Variants in CSGALNACT1 observed in about 807,000 individuals in gnomAD.
The protein encoded by CSGALNACT1 is beta4GalNAcT-1.
Under a neutral mutation model 51.0 loss-of-function variants are expected in CSGALNACT1, and 52 were observed. That is an observed-to-expected ratio of 1.02 (90% confidence interval 0.82 to 1.29). The LOEUF (loss-of-function observed/expected upper bound fraction) is 1.29, where lower values mean the gene tolerates loss of function less well. Among genes scored for constraint, CSGALNACT1 ranks in the 50% most tolerant of loss-of-function variants. CSGALNACT1 has a pLI of 0.00. For missense variants in CSGALNACT1, 935 were observed against 679.2 expected, an observed-to-expected ratio of 1.38 and a Z score of -4.19; for synonymous variants, 341 against 254.4, an observed-to-expected ratio of 1.34 and a Z score of -3.24.
At position 19,658,062 on chromosome 8, in the gene CSGALNACT1, CA is replaced by C. The variant is rs397973082; in HGVS notation, c.-544+24410del. ...TATGTGTGCCCTCTCACCCTCCTTC[CA>C]AAAAAAAAAAAAAAAAAAAAAGTCC... is the stretch of plus-strand genomic sequence containing the variant. On this transcript the variant is annotated intron_variant, in intron 1 of 9. Transcript: ENST00000332246. Among the ~76,000 whole-genome samples, 158 of 86,682 alleles carry C rather than the reference CA, an allele frequency of 1.8e-3. 3 individuals are homozygous for C. Among genetic ancestry groups the C allele is most frequent in the Middle Eastern group, 9.8e-3 (1 of 102 alleles). The allele number at this position is 86,682 out of a possible 152,430, so 56.9% of individuals were successfully genotyped here.
At chr8:19,518,765 C>A (rs574065137) in intron 3 of CSGALNACT1, among the ~76,000 whole-genome samples, 6 of 152,148 alleles carry the variant, frequency 3.9e-5, no homozygotes, top group Admixed American at 1.3e-4. Context: ...CCAGCTAGGC[C>A]GTCAGCACAG....
intron 5 of CSGALNACT1, among the ~76,000 whole-genome samples, chr8:19,447,181 G>C (rs967039798): frequency 2.0e-5 from 3 of 152,278 alleles, no homozygotes; most frequent in East Asian, 1.9e-4. Context: ...ACAAAAGCCA[G>C]GTTTCCTAAG....
intron 1 of CSGALNACT1, among the ~76,000 whole-genome samples, chr8:19,699,422 T>C (rs1259439943): frequency 2.6e-5 from 4 of 152,186 alleles, no homozygotes; most frequent in Admixed American, 1.3e-4. Flanking sequence ...ATACATAAAA[T>C]GCTCTGATCA....
At chr8:19,527,075 A>T (rs1044086814) in intron 3 of CSGALNACT1, among the ~76,000 whole-genome samples, 1 of 152,210 alleles carries the variant, frequency 6.6e-6, no homozygotes, top group African/African-American at 2.4e-5. Context: ...AAAGCTCACG[A>T]TATCAAGATA....
chr8:19,723,432 G>T (rs532843542), intron 1 of CSGALNACT1, among the ~76,000 whole-genome samples: 1 of 152,148 alleles, frequency 6.6e-6, no homozygotes, highest in Non-Finnish European at 1.5e-5. Context: ...CAAATGCAAG[G>T]TACCATTCTG....
At chr8:19,518,510 G>A (rs1294192215) in intron 3 of CSGALNACT1, among the ~76,000 whole-genome samples, 1 of 152,122 alleles carries the variant, frequency 6.6e-6, no homozygotes, top group South Asian at 2.1e-4. Flanking sequence ...ACCAATCTGT[G>A]AGCCCTATGT....
At chr8:19,691,598 G>A (rs927382050) in intron 1 of CSGALNACT1, among the ~76,000 whole-genome samples, 4 of 152,174 alleles carry the variant, frequency 2.6e-5, no homozygotes, top group Non-Finnish European at 5.9e-5. Flanking sequence ...CGATAACGCA[G>A]GCTTGACTTT....
chr8:19,594,782 C>T (rs2048553765), intron 2 of CSGALNACT1, among the ~76,000 whole-genome samples: 1 of 151,876 alleles, frequency 6.6e-6, no homozygotes, highest in Non-Finnish European at 1.5e-5. Context: ...GAACTCCTGA[C>T]CTCAGGTGAT....
chr8:19,753,998 T>C (rs1017510150), intron 1 of CSGALNACT1, among the ~76,000 whole-genome samples: 2 of 152,220 alleles, frequency 1.3e-5, no homozygotes, highest in African/African-American at 4.8e-5. Flanking sequence ...CATCTTGGAA[T>C]GTGATAAAAC....
At chr8:19,629,979 A>AG (rs1447121738) in intron 1 of CSGALNACT1, among the ~76,000 whole-genome samples, 6 of 152,204 alleles carry the variant, frequency 3.9e-5, no homozygotes, top group African/African-American at 1.4e-4. Flanking sequence ...CAAGAGACTC[A>AG]GGGATCAGGG....
At chr8:19,426,541 T>C (rs569642312) in intron 6 of CSGALNACT1, among the ~76,000 whole-genome samples, 21 of 152,366 alleles carry the variant, frequency 1.4e-4, no homozygotes, top group African/African-American at 3.8e-4. Context: ...ATTACATAAC[T>C]TCCTGTTATG....
intron 1 of CSGALNACT1, among the ~76,000 whole-genome samples, chr8:19,696,877 G>C (rs1226372077): frequency 1.3e-5 from 2 of 152,148 alleles, no homozygotes; most frequent in African/African-American, 4.8e-5. Context: ...TTCCCAGAAA[G>C]ACAAGTATAG....
intron 1 of CSGALNACT1, among the ~76,000 whole-genome samples, chr8:19,622,775 T>C (rs1294044631): frequency 6.6e-6 from 1 of 151,852 alleles, no homozygotes; most frequent in Non-Finnish European, 1.5e-5. Flanking sequence ...AAAAAAGTAA[T>C]ACTTAACTGA....
intron 4 of CSGALNACT1, among the ~76,000 whole-genome samples, chr8:19,478,813 G>A (rs1367642023): frequency 6.6e-6 from 1 of 152,166 alleles, no homozygotes; most frequent in Non-Finnish European, 1.5e-5. Context: ...CCCTTGAAGG[G>A]CAATATTCAA....
intron 6 of CSGALNACT1, among the ~76,000 whole-genome samples, chr8:19,432,406 G>A (rs1186604147): frequency 6.6e-6 from 1 of 152,164 alleles, no homozygotes; most frequent in Non-Finnish European, 1.5e-5. Context: ...TAAGTTTAAT[G>A]TGGATTTCTA....
upstream of CSGALNACT1, among the ~76,000 whole-genome samples, chr8:19,605,375 G>T (rs936409141): frequency 6.6e-5 from 10 of 152,184 alleles, no homozygotes; most frequent in East Asian, 9.6e-4. Context: ...GGTGGAGGTC[G>T]CAGTGAGCTG....
chr8:19,756,636 T>C (rs6995621), intron 1 of CSGALNACT1, among the ~76,000 whole-genome samples: 112,156 of 149,690 alleles, frequency 0.75, 41,913 homozygotes, highest in Middle Eastern at 0.89. Flanking sequence ...GCACGTCCCC[T>C]GGGCATGTTC....
chr8:19,450,353 G>A (rs1454042082), intron 5 of CSGALNACT1, among the ~76,000 whole-genome samples: 1 of 151,972 alleles, frequency 6.6e-6, no homozygotes, highest in East Asian at 1.9e-4. Flanking sequence ...GTAGGTTTAA[G>A]CCAATATGTG....
intron 6 of CSGALNACT1, among the ~76,000 whole-genome samples, chr8:19,432,031 C>T (rs1396420541): frequency 1.7e-4 from 26 of 152,004 alleles, no homozygotes; most frequent in Admixed American, 1.7e-3. Context: ...TTTATACTAT[C>T]GTTTATATTT....
Sources: allele counts gnomAD v4.1 joint callset (sites outside exome capture counted in the v4.1 genomes callset), GRCh38; gene constraint gnomAD v4.1.1; transcripts MANE v1.5; gene names NCBI Gene and HGNC (gene_info 2026-07-23, HGNC 2026-07-21).